Variants in OXSR1 observed in about 807,000 individuals in gnomAD.
The protein encoded by OXSR1 is oxidative stress responsive kinase 1.
A neutral mutation model predicts 79.8 loss-of-function variants in OXSR1; 24 were observed. That is an observed-to-expected ratio of 0.30 (90% CI 0.22 to 0.42). OXSR1 has a LOEUF of 0.42. OXSR1 is among the 10% of genes least tolerant of loss of function. The pLI is 1.00. For missense variants in OXSR1, 430 were observed against 618.4 expected, an observed-to-expected ratio of 0.70 and a Z score of 3.23; for synonymous variants, 226 against 209.2, an observed-to-expected ratio of 1.08 and a Z score of -0.69.
Position 38,253,209 on chromosome 3 carries a change from C to T in OXSR1, c.*318C>T, listed in dbSNP as rs1358101484. 6.6e-6 allele frequency: 2 copies of T among 302,816 alleles called. No individual in the cohort carries two copies. Among genetic ancestry groups the T allele is most frequent in the African/African-American group, 4.3e-5 (2 of 46,098 alleles). 18.8% of individuals were successfully genotyped at this position (302,816 alleles called of 1,614,324 possible). On this transcript the variant is annotated 3_prime_UTR_variant, in exon 18 of 18. Transcript: ENST00000311806. Reference sequence around the variant, plus strand: ...TCTGTCAGCTCATTCTTGCCTTACTCCAATGATGGCCCAGGTGGAAAAGTA... The same window carrying T: ...TCTGTCAGCTCATTCTTGCCTTACTTCAATGATGGCCCAGGTGGAAAAGTA...
chr3:38,169,272 C>T (rs1701528212), intron 1 of OXSR1, among the ~76,000 whole-genome samples: 1 of 151,764 alleles, frequency 6.6e-6, no homozygotes, highest in Non-Finnish European at 1.5e-5. Flanking sequence ...AATCTTTTGT[C>T]CACTTGGACT....
chr3:38,218,869 T>C (rs1702535506), intron 5 of OXSR1, among the ~76,000 whole-genome samples: 1 of 152,156 alleles, frequency 6.6e-6, no homozygotes, highest in South Asian at 2.1e-4. Flanking sequence ...TTCCACCTTC[T>C]ATATTAGAAG....
intron 1 of OXSR1, among the ~76,000 whole-genome samples, chr3:38,174,035 C>T (rs1355514883): frequency 6.6e-6 from 1 of 152,124 alleles, no homozygotes; most frequent in African/African-American, 2.4e-5. Context: ...ACAACAAGAA[C>T]AAAGGTTCTG....
At chr3:38,236,669 C>T (rs1702924426) in intron 10 of OXSR1, 170 bp from the exon 11 acceptor site, 1 of 492,622 alleles carries the variant, frequency 2.0e-6, no homozygotes, top group South Asian at 4.6e-5. Context: ...TAGAGATTGT[C>T]AACAGAGAGC....
intron 12 of OXSR1, among the ~76,000 whole-genome samples, chr3:38,245,232 A>G (rs1377783899): frequency 6.6e-6 from 1 of 152,116 alleles, no homozygotes; most frequent in Non-Finnish European, 1.5e-5. Context: ...TTTCAACTTT[A>G]CATTTTGGCT....
chr3:38,234,996 G>GT lies in OXSR1; in HGVS notation c.952-1841dup, dbSNP rs34198469. The stretch of plus-strand genomic sequence containing the variant: ...AAAAGCCCATCACAAAAGACCACAT[G>GT]TTGTGTGATTCAATTTATGTGAAAT... On this transcript the variant is annotated intron_variant, in intron 10 of 17. Coordinates refer to ENST00000311806, the MANE Select transcript of OXSR1 (RefSeq NM_005109.3). Among the ~76,000 whole-genome samples the GT allele has an allele frequency of 7.2e-3, 1,104 of 152,328 alleles. 5 individuals carry two copies. Among genetic ancestry groups the GT allele is most frequent in the Middle Eastern group, 0.044 (13 of 294 alleles).
intron 1 of OXSR1, among the ~76,000 whole-genome samples, chr3:38,174,240 A>G (rs1430944679): frequency 1.3e-5 from 2 of 152,160 alleles, no homozygotes; most frequent in African/African-American, 4.8e-5. Context: ...ACTGAAAATC[A>G]TTGCAGGGTT....
chr3:38,240,798 A>G (rs914713847), intron 11 of OXSR1, among the ~76,000 whole-genome samples: 2 of 152,208 alleles, frequency 1.3e-5, no homozygotes, highest in Non-Finnish European at 2.9e-5. Context: ...ATAAAGTGCA[A>G]TAATTAATTT....
In OXSR1 at chr3:38,182,987, A is replaced by C; in HGVS notation, c.71-16A>C. ...TATCCATCTACTTATTTACTCTTTT[A>C]TGTATTTGTTTTTAGGGAGTGGAGC... On this transcript the variant is annotated splice_polypyrimidine_tract_variant and intron_variant, in intron 1 of 17. Coordinates refer to ENST00000311806, the MANE Select transcript of OXSR1 (RefSeq NM_005109.3). The C allele has an allele frequency of 7.2e-7, 1 of 1,392,252 alleles. No homozygotes were observed. Among genetic ancestry groups the C allele is most frequent in the Non-Finnish European group, 1.0e-6 (1 of 985,752 alleles). The allele number at this position is 1,392,252 out of a possible 1,614,324, so 86.2% of individuals were successfully genotyped here. A position where few individuals can be genotyped will look rare whatever the true frequency, so the allele number is the denominator to read the frequency against.
At chr3:38,212,574 A>C (rs1182739435) in intron 4 of OXSR1, among the ~76,000 whole-genome samples, 1 of 152,168 alleles carries the variant, frequency 6.6e-6, no homozygotes, top group Non-Finnish European at 1.5e-5. Flanking sequence ...ACCTTTTTCA[A>C]GTTTTCCATA....
rs147400759 is a variant in OXSR1 at position 38,246,110 on chromosome 3, C to T, written c.1146C>T (p.Leu382=). 9.5e-5 allele frequency: 153 copies of T among 1,613,716 alleles called. No individual in the cohort carries two copies. The African/African-American group carries it at 1.2e-3, about 13-fold the overall frequency. Residue 382 remains leucine, a synonymous_variant, in exon 13 of 18, where the codon CTC becomes CTT. Transcript: ENST00000311806. ...FPTTDPVGTL[L]QVPEQISAHL... ...CAACTGATCCTGTGGGTACTTTGCTCCAAGTTCCAGAACAGATCTCTGCTC... is the reference window on the plus strand; with the variant it reads ...CAACTGATCCTGTGGGTACTTTGCTTCAAGTTCCAGAACAGATCTCTGCTC...
chr3:38,240,727 A>T (rs1379337997), intron 11 of OXSR1, among the ~76,000 whole-genome samples: 1 of 151,984 alleles, frequency 6.6e-6, no homozygotes, highest in Admixed American at 6.6e-5. Flanking sequence ...ACTCATAAGG[A>T]CACAAGCGCC....
rs9830223 is a variant in OXSR1, at chr3:38,167,501, G to T, written c.70+1555G>T. Reference sequence around the variant, plus strand: ...AAGACCAACTGAAGACTTCCTAGCTGCCTTGGGGGTGTCAGTGTTTATTTC... The same window carrying T: ...AAGACCAACTGAAGACTTCCTAGCTTCCTTGGGGGTGTCAGTGTTTATTTC... On this transcript the variant is annotated intron_variant, in intron 1 of 17. Transcript: ENST00000311806. 5.3e-3 allele frequency among the ~76,000 whole-genome samples: 804 copies of T among 152,336 alleles called. 7 individuals carry two copies. Among genetic ancestry groups the T allele is most frequent in the African/African-American group, 0.019 (771 of 41,576 alleles).
At chr3:38,167,268 A>T (rs546744489) in intron 1 of OXSR1, among the ~76,000 whole-genome samples, 1 of 152,324 alleles carries the variant, frequency 6.6e-6, no homozygotes, top group African/African-American at 2.4e-5. Flanking sequence ...ATAGATTGTA[A>T]TTCTCACAGA....
At chr3:38,192,742 AT>A (rs1375152515) in intron 3 of OXSR1, among the ~76,000 whole-genome samples, 2 of 152,222 alleles carry the variant, frequency 1.3e-5, no homozygotes, top group African/African-American at 2.4e-5. Context: ...CATTTGGTAA[AT>A]TAGTCATTTT....
At chr3:38,217,050 C>G (rs1332565933) in intron 5 of OXSR1, among the ~76,000 whole-genome samples, 1 of 151,838 alleles carries the variant, frequency 6.6e-6, no homozygotes, top group Non-Finnish European at 1.5e-5. Flanking sequence ...TTAAAGGGCT[C>G]AAGTGTAAAG....
In OXSR1 at chr3:38,255,068, G is replaced by C. The variant is rs1703338750; in HGVS notation, c.*2177G>C. Reference sequence around the variant, plus strand: ...GTGATACTGAGAAAATACATGAACAGAAACTGCCCAGGTGGAACAGCACGT... The same window carrying C: ...GTGATACTGAGAAAATACATGAACACAAACTGCCCAGGTGGAACAGCACGT... On this transcript the variant is annotated 3_prime_UTR_variant, in exon 18 of 18. Transcript: ENST00000311806. 1 of 152,652 alleles carries C rather than the reference G, an allele frequency of 6.6e-6. No individual in the cohort carries two copies. The highest frequency in any genetic ancestry group is 2.4e-5 in the African/African-American group (1 of 41,430). The allele number at this position is 152,652 out of a possible 1,614,324, so 9.5% of individuals were successfully genotyped here.
chr3:38,215,440 T>TAA (rs35964299), intron 4 of OXSR1, among the ~76,000 whole-genome samples: 1 of 151,180 alleles, frequency 6.6e-6, no homozygotes, highest in East Asian at 1.9e-4. Context: ...TTGTTTTTGC[T>TAA]AAAAAAAAAC....
chr3:38,198,587 C>T (rs1196250480), intron 3 of OXSR1, 135 bp from the exon 4 acceptor site: 23 of 555,802 alleles, frequency 4.1e-5, no homozygotes, highest in East Asian at 5.9e-5. Context: ...TCTGTATTTC[C>T]TCATATTTGC....
Sources: gnomAD v4.1 joint callset for allele counts (sites outside exome capture counted in the v4.1 genomes callset) on GRCh38, gnomAD v4.1.1 for gene constraint, MANE v1.5 for transcripts, NCBI Gene and HGNC (gene_info 2026-07-23, HGNC 2026-07-21) for gene names.